Variants in HBS1L observed in about 807,000 individuals in gnomAD.
HBS1L encodes HBS1 like translational GTPase.
A neutral mutation model predicts 88.9 loss-of-function variants in HBS1L; 55 were observed. The observed-to-expected ratio is 0.62, with a 90% CI of 0.50 to 0.77. The LOEUF (loss-of-function observed/expected upper bound fraction) is 0.77, where lower values mean the gene tolerates loss of function less well. HBS1L is among the 30% of genes least tolerant of loss of function. The pLI is 0.00. For missense variants in HBS1L, 741 were observed against 829.3 expected (o/e 0.89, Z 1.31); for synonymous variants, 267 against 288.5 (o/e 0.93, Z 0.76).
At chr6:135,029,508 G>GA (rs1405936016) in intron 4 of HBS1L, among the ~76,000 whole-genome samples, 1 of 151,858 alleles carries the variant, frequency 6.6e-6, no homozygotes, top group Non-Finnish European at 1.5e-5. Flanking sequence ...ATAAATAAAT[G>GA]AAAAAACATT....
intron 8 of HBS1L, among the ~76,000 whole-genome samples, chr6:134,993,135 A>T (rs1346634778): frequency 6.6e-6 from 1 of 152,194 alleles, no homozygotes; most frequent in Non-Finnish European, 1.5e-5. Context: ...TGTATAAAAG[A>T]TGTTACCATC....
intron 4 of HBS1L, among the ~76,000 whole-genome samples, chr6:135,024,819 G>A (rs1583129238): frequency 6.6e-6 from 1 of 152,132 alleles, no homozygotes; most frequent in East Asian, 1.9e-4. Context: ...CTAATTTTAT[G>A]TAAATACTAA....
chr6:134,965,785 C>A (rs960366951), intron 17 of HBS1L, among the ~76,000 whole-genome samples: 1 of 152,162 alleles, frequency 6.6e-6, no homozygotes, highest in Non-Finnish European at 1.5e-5. Context: ...ACACCGCCTT[C>A]CATATGTATT....
Position 134,965,185 on chromosome 6 carries a change from A to G in HBS1L, c.*94T>C, listed in dbSNP as rs1388877321. On this transcript the variant is annotated 3_prime_UTR_variant, in exon 18 of 18. Coordinates refer to ENST00000367837, the MANE Select transcript of HBS1L (RefSeq NM_006620.4). ...TTCTCTCTCATCTAAAAACATATCA[A>G]TTGCACATTGTTCCTTTGACTTAAT... 21 of 1,005,846 alleles carry G rather than the reference A, an allele frequency of 2.1e-5. No homozygotes were observed. The African/African-American group carries it at 2.2e-4, about 11-fold the overall frequency. The allele number at this position is 1,005,846 out of a possible 1,614,324, so 62.3% of individuals were successfully genotyped here.
chr6:134,975,110 GA>G (rs1402860425), intron 15 of HBS1L, among the ~76,000 whole-genome samples: 4 of 152,020 alleles, frequency 2.6e-5, no homozygotes, highest in Non-Finnish European at 4.4e-5. Flanking sequence ...CACCAACAAC[GA>G]TCAAGCTGAG....
At chr6:135,018,778 G>C (rs1775992849) in intron 4 of HBS1L, among the ~76,000 whole-genome samples, 1 of 151,524 alleles carries the variant, frequency 6.6e-6, no homozygotes, top group Non-Finnish European at 1.5e-5. Flanking sequence ...AAAATAACAA[G>C]GAAAAAAACC....
chr6:135,006,510 C>T (rs2114824962), intron 4 of HBS1L, among the ~76,000 whole-genome samples: 1 of 151,808 alleles, frequency 6.6e-6, no homozygotes, highest in African/African-American at 2.4e-5. Context: ...TAAAGACTGA[C>T]AGAAGGCTGG....
chr6:135,038,558 AAC>A (rs1583149326), intron 4 of HBS1L, among the ~76,000 whole-genome samples: 1 of 152,192 alleles, frequency 6.6e-6, no homozygotes, highest in African/African-American at 2.4e-5. Flanking sequence ...ATCCCTGGAA[AAC>A]ACACTCTTAT....
chr6:135,053,624 T>C (rs944041986), intron 1 of HBS1L, among the ~76,000 whole-genome samples: 2 of 152,212 alleles, frequency 1.3e-5, no homozygotes, highest in African/African-American at 4.8e-5. Context: ...AGGTTCCAAA[T>C]GGAGAACAGG....
At chr6:134,996,653 A>C in intron 7 of HBS1L, 124 bp downstream of exon 7, 1 of 673,348 alleles carries the variant, frequency 1.5e-6, no homozygotes, top group Non-Finnish European at 2.3e-6. Context: ...CTGATATCTA[A>C]AAGCTATTTT....
At chr6:134,968,409 C>T (rs974172861) in intron 16 of HBS1L, among the ~76,000 whole-genome samples, 8 of 151,902 alleles carry the variant, frequency 5.3e-5, no homozygotes, top group South Asian at 2.1e-4. Flanking sequence ...CCACCACACC[C>T]GGCTAATTTT....
intron 8 of HBS1L, among the ~76,000 whole-genome samples, chr6:134,989,494 CT>C (rs1775071832): frequency 6.6e-6 from 1 of 152,126 alleles, no homozygotes; most frequent in South Asian, 2.1e-4. Flanking sequence ...TTCTTTGTTG[CT>C]TCCCCAATGA....
At chr6:135,015,738 C>T (rs546235072) in intron 4 of HBS1L, among the ~76,000 whole-genome samples, 14 of 151,820 alleles carry the variant, frequency 9.2e-5, no homozygotes, top group Non-Finnish European at 1.9e-4. Flanking sequence ...CACGCCATCA[C>T]GCCCAGCTAA....
intron 15 of HBS1L, among the ~76,000 whole-genome samples, chr6:134,970,605 GAAAATT>G (rs1307176316): frequency 6.6e-6 from 1 of 152,172 alleles, no homozygotes; most frequent in African/African-American, 2.4e-5. Flanking sequence ...TATATGTAAG[GAAAATT>G]AAAATCAAAA....
intron 2 of HBS1L, among the ~76,000 whole-genome samples, chr6:135,044,026 C>T (rs1201551816): frequency 3.3e-5 from 5 of 152,138 alleles, no homozygotes; most frequent in African/African-American, 9.7e-5. Context: ...CTCCACATTC[C>T]TCCCCTTGGC....
intron 13 of HBS1L, among the ~76,000 whole-genome samples, chr6:134,979,998 C>T (rs1032479616): frequency 7.9e-5 from 12 of 151,826 alleles, no homozygotes; most frequent in African/African-American, 2.9e-4. Flanking sequence ...AGAGCAGTTC[C>T]CAAGGGCAAT....
chr6:134,967,266 C>A (rs1316436742), intron 16 of HBS1L, among the ~76,000 whole-genome samples: 1 of 152,056 alleles, frequency 6.6e-6, no homozygotes, highest in Non-Finnish European at 1.5e-5. Flanking sequence ...GTATAGTGGA[C>A]AGAAATCATA....
chr6:134,982,719 G>A, intron 12 of HBS1L, 157 bp from the exon 13 acceptor site: 3 of 417,690 alleles, frequency 7.2e-6, no homozygotes, highest in Admixed American at 4.2e-5. Context: ...ACTAAATATG[G>A]CATACCACAC....
intron 4 of HBS1L, chr6:135,036,926 T>A (rs1313878849): frequency 6.4e-7 from 1 of 1,551,666 alleles, no homozygotes; most frequent in Non-Finnish European, 8.7e-7. Context: ...GATGGAGCAA[T>A]GGATGGGTCT....
Sources: allele counts gnomAD v4.1 joint callset (sites outside exome capture counted in the v4.1 genomes callset), GRCh38; gene constraint gnomAD v4.1.1; transcripts MANE v1.5; gene names NCBI Gene and HGNC (gene_info 2026-07-23, HGNC 2026-07-21).